Variants in BMPR1B observed in about 807,000 individuals in gnomAD.
BMPR1B encodes the protein bone morphogenetic protein receptor type 1B.
Under a neutral mutation model 59.1 loss-of-function variants are expected in BMPR1B, and 12 were observed. The observed-to-expected ratio is 0.20, with a 90% confidence interval of 0.13 to 0.33. BMPR1B has a LOEUF of 0.33. BMPR1B is among the 10% of genes least tolerant of loss of function. The probability of loss-of-function intolerance (pLI) is 1.00; values close to 1 mark genes in which losing one functional copy is unlikely to be tolerated. For synonymous variants in BMPR1B, 237 were observed against 207.3 expected (o/e 1.14, Z -1.23); for missense variants, 550 against 610.9 (o/e 0.90, Z 1.05).
intron 2 of BMPR1B, among the ~76,000 whole-genome samples, chr4:94,993,990 T>C (rs767056921): frequency 4.5e-4 from 68 of 152,316 alleles, no homozygotes; most frequent in Non-Finnish European, 4.7e-4. Flanking sequence ...TTAAAATAGC[T>C]GATGTGTTTT....
At chr4:95,096,654 A>T (rs1175937100) in intron 3 of BMPR1B, among the ~76,000 whole-genome samples, 1 of 148,768 alleles carries the variant, frequency 6.7e-6, no homozygotes, top group Non-Finnish European at 1.5e-5. Flanking sequence ...CTTACTTTTT[A>T]TTATCATGAT....
At chr4:94,760,650 C>T (rs1369529771) in intron 1 of BMPR1B, among the ~76,000 whole-genome samples, 4 of 152,160 alleles carry the variant, frequency 2.6e-5, no homozygotes, top group African/African-American at 9.7e-5. Context: ...TCTGAGTGCC[C>T]CTCTTTCGGT....
chr4:94,839,149 T>C (rs1270430812), intron 1 of BMPR1B, among the ~76,000 whole-genome samples: 1 of 133,488 alleles, frequency 7.5e-6, no homozygotes, highest in Non-Finnish European at 1.6e-5. Context: ...TTGTGTTCTT[T>C]TACATTTGCT....
chr4:94,982,237 A>T lies in BMPR1B; in HGVS notation c.-112-13803A>T, dbSNP rs558546813. On this transcript the variant is annotated intron_variant, in intron 2 of 12. Transcript: ENST00000515059. ...GGCAAGCATTTCAAGAATTGCTTTC[A>T]TTTTTGTTATTCTTAAAGAGAATTT... Among the ~76,000 whole-genome samples, 34 of 152,270 alleles carry T rather than the reference A, an allele frequency of 2.2e-4. 2 individuals carry two copies. The South Asian group carries it at 6.8e-3, about 31-fold the overall frequency.
At position 94,831,997 on chromosome 4, in the gene BMPR1B, G is replaced by A. The variant is rs546096872; in HGVS notation, c.-182-43834G>A. On this transcript the variant is annotated intron_variant, in intron 1 of 12. Coordinates refer to ENST00000515059, the MANE Select transcript of BMPR1B (RefSeq NM_001203.3). ...CTAGTTGCAGGAAAACAAGCTCAGG[G>A]CTCCCACTGATTCTACATCATGGTG... Among the ~76,000 whole-genome samples the A allele has an allele frequency of 2.0e-4, 30 of 152,230 alleles. No homozygotes were observed. In the Middle Eastern group the frequency reaches 0.01, roughly 52 times the overall value.
chr4:94,901,006 T>G (rs1727788928), intron 2 of BMPR1B, among the ~76,000 whole-genome samples: 1 of 151,968 alleles, frequency 6.6e-6, no homozygotes, highest in African/African-American at 2.4e-5. Flanking sequence ...CTTGTAACAC[T>G]GATGGTTCCA....
At chr4:94,794,358 G>A (rs1227907619) in intron 1 of BMPR1B, among the ~76,000 whole-genome samples, 3 of 151,602 alleles carry the variant, frequency 2.0e-5, no homozygotes, top group Non-Finnish European at 4.4e-5. Context: ...TGAGGGCTCT[G>A]TTCTGTTCCA....
chr4:94,906,333 AC>A (rs1728039825), intron 2 of BMPR1B, among the ~76,000 whole-genome samples: 1 of 152,018 alleles, frequency 6.6e-6, no homozygotes, highest in South Asian at 2.1e-4. Flanking sequence ...GGTACTTATT[AC>A]TTTTGTTATG....
intron 3 of BMPR1B, among the ~76,000 whole-genome samples, chr4:95,049,419 G>GTTTTTTTT (rs761496965): frequency 2.6e-5 from 2 of 77,404 alleles, no homozygotes; most frequent in East Asian, 4.7e-4. Flanking sequence ...CAGCATAAAA[G>GTTTTTTTT]TTTTTTTTTT....
chr4:94,812,350 G>T (rs1402648522), intron 1 of BMPR1B, among the ~76,000 whole-genome samples: 3 of 152,170 alleles, frequency 2.0e-5, no homozygotes, highest in Admixed American at 6.5e-5. Context: ...ATGGAAAGGG[G>T]TTAGAGTATT....
chr4:94,798,478 G>A (rs1349300516), intron 1 of BMPR1B, among the ~76,000 whole-genome samples: 1 of 152,218 alleles, frequency 6.6e-6, no homozygotes, highest in Non-Finnish European at 1.5e-5. Flanking sequence ...AGTTAACTGA[G>A]TTTCACTTAA....
intron 1 of BMPR1B, among the ~76,000 whole-genome samples, chr4:94,799,676 T>C (rs1475052899): frequency 6.6e-6 from 1 of 151,540 alleles, no homozygotes; most frequent in Admixed American, 6.6e-5. Flanking sequence ...TGTCACTTTT[T>C]AGTTGTTTTG....
At chr4:95,044,200 G>T (rs949534961) in intron 3 of BMPR1B, among the ~76,000 whole-genome samples, 2 of 152,120 alleles carry the variant, frequency 1.3e-5, no homozygotes, top group Non-Finnish European at 2.9e-5. Flanking sequence ...TGTTTTTGTT[G>T]CCAGTGGTAA....
intron 3 of BMPR1B, among the ~76,000 whole-genome samples, chr4:95,063,161 G>A (rs1727531075): frequency 6.6e-6 from 1 of 151,992 alleles, no homozygotes; most frequent in Non-Finnish European, 1.5e-5. Context: ...GGGTAAAAAA[G>A]AAAGTGGCAT....
intron 1 of BMPR1B, among the ~76,000 whole-genome samples, chr4:94,814,031 G>A (rs1043842141): frequency 5.3e-5 from 8 of 152,196 alleles, no homozygotes; most frequent in Middle Eastern, 3.4e-3. Context: ...TATACAAGTC[G>A]GAATCAGATC....
chr4:94,856,717 T>C (rs2148952261), intron 1 of BMPR1B, among the ~76,000 whole-genome samples: 1 of 152,288 alleles, frequency 6.6e-6, no homozygotes, highest in African/African-American at 2.4e-5. Context: ...AACTGTTTTG[T>C]GGTAGATGCC....
At chr4:94,915,599 CA>C (rs1241964574) in intron 2 of BMPR1B, among the ~76,000 whole-genome samples, 1 of 152,110 alleles carries the variant, frequency 6.6e-6, no homozygotes, top group Admixed American at 6.5e-5. Context: ...GAAATCGACA[CA>C]ATTAACATAA....
chr4:94,824,460 C>A (rs762523662), intron 1 of BMPR1B, among the ~76,000 whole-genome samples: 2 of 152,200 alleles, frequency 1.3e-5, no homozygotes, highest in Non-Finnish European at 2.9e-5. Context: ...CAAACTTGAA[C>A]CACTTCATGG....
rs185607229 is a variant in BMPR1B at position 95,157,892 on chromosome 4, C to T, written c.*3219C>T. The T allele has an allele frequency of 4.6e-5, 7 of 152,188 alleles. No homozygotes were observed. In the East Asian group the frequency reaches 1.4e-3, roughly 29 times the overall value. The allele number at this position is 152,188 out of a possible 1,614,324, so 9.4% of individuals were successfully genotyped here. ...CCCAAACAGAAAGCTTCTTAGAAAACATGCTGAGATTTTATTTACAGGGAA... is the reference window on the plus strand; with the variant it reads ...CCCAAACAGAAAGCTTCTTAGAAAATATGCTGAGATTTTATTTACAGGGAA... On this transcript the variant is annotated 3_prime_UTR_variant, in exon 13 of 13. Transcript: ENST00000515059.
Sources: allele counts gnomAD v4.1 joint callset (sites outside exome capture counted in the v4.1 genomes callset), GRCh38; gene constraint gnomAD v4.1.1; transcripts MANE v1.5; gene names NCBI Gene and HGNC (gene_info 2026-07-23, HGNC 2026-07-21).